PRR16: variants seen among roughly 807,000 people sequenced by gnomAD.
PRR16 encodes protein Largen.
PRR16 carries 6 observed loss-of-function variants against 18.2 expected under a neutral mutation model. The observed-to-expected ratio is 0.33, with a 90% CI of 0.18 to 0.65. The LOEUF (loss-of-function observed/expected upper bound fraction) is 0.65. Ranked by LOEUF, PRR16 falls within the 30% of genes least tolerant of loss-of-function variation. The probability of loss-of-function intolerance (pLI) is 0.74; values close to 1 mark genes in which losing one functional copy is unlikely to be tolerated. For synonymous variants in PRR16, 151 were observed against 147.8 expected, an observed-to-expected ratio of 1.02 and a Z score of -0.16; for missense variants, 412 against 376.6, an observed-to-expected ratio of 1.09 and a Z score of -0.78.
chr5:120,717,406 A>G, the PRR16 span, among the ~76,000 whole-genome samples: 1 of 152,180 alleles, frequency 6.6e-6, no homozygotes, highest in Non-Finnish European at 1.5e-5. Flanking sequence ...TTCATTATTT[A>G]TTTTTGAAAC....
chr5:120,540,345 A>G (rs1751870152), intron 1 of PRR16, among the ~76,000 whole-genome samples: 1 of 48,010 alleles, frequency 2.1e-5, no homozygotes, highest in Non-Finnish European at 5.9e-5. Context: ...TTTCCTCCTT[A>G]ACATGATTTT....
intron 1 of PRR16, among the ~76,000 whole-genome samples, chr5:120,677,114 T>G (rs1756823404): frequency 6.6e-6 from 1 of 152,210 alleles, no homozygotes; most frequent in Non-Finnish European, 1.5e-5. Flanking sequence ...TACTGTGATC[T>G]AGCAGCAGAA....
the PRR16 span, among the ~76,000 whole-genome samples, chr5:120,793,685 G>A: frequency 5.9e-5 from 9 of 152,120 alleles, no homozygotes; most frequent in Admixed American, 1.3e-4. Flanking sequence ...CAATAAGAAG[G>A]GTAAAAACAG....
rs113304687 is a variant in PRR16 at position 120,543,397 on chromosome 5, T to C, written c.159+78752T>C. ...GTTGACTTTTATCTGGGGACCATTA[T>C]GTCAAATTATATTATGGAAACACTT... On this transcript the variant is annotated intron_variant, in intron 1 of 1. Coordinates refer to ENST00000407149, the MANE Select transcript of PRR16 (RefSeq NM_001300783.2). Among the ~76,000 whole-genome samples the C allele has an allele frequency of 5.6e-3, 853 of 152,284 alleles. 7 individuals are homozygous for C. The highest frequency in any genetic ancestry group is 0.019 in the African/African-American group (809 of 41,576).
intron 1 of PRR16, 120 bp from the exon 2 acceptor site, chr5:120,685,834 T>C: frequency 2.1e-6 from 2 of 966,042 alleles, no homozygotes; most frequent in Admixed American, 5.4e-5. Flanking sequence ...AGCAATGGAA[T>C]GTTCAGTTCA....
At chr5:120,513,522 A>G (rs1255169413) in intron 1 of PRR16, among the ~76,000 whole-genome samples, 1 of 151,910 alleles carries the variant, frequency 6.6e-6, no homozygotes, top group African/African-American at 2.4e-5. Flanking sequence ...TGGCCTTCAC[A>G]TGTTTCCTCC....
intron 1 of PRR16, among the ~76,000 whole-genome samples, chr5:120,579,097 G>A (rs1210857459): frequency 2.6e-5 from 4 of 151,834 alleles, no homozygotes; most frequent in African/African-American, 9.7e-5. Flanking sequence ...TTGATGGGGT[G>A]TTTATTTTTT....
At chr5:120,576,057 C>A (rs1454319478) in intron 1 of PRR16, among the ~76,000 whole-genome samples, 1 of 152,050 alleles carries the variant, frequency 6.6e-6, no homozygotes, top group African/African-American at 2.4e-5. Flanking sequence ...AATGGAAGAC[C>A]CCTATACTAC....
chr5:120,477,035 T>C (rs1244444594), intron 1 of PRR16, among the ~76,000 whole-genome samples: 1 of 152,162 alleles, frequency 6.6e-6, no homozygotes, highest in Admixed American at 6.5e-5. Context: ...TTCACTTAGC[T>C]TGAAGAATTA....
chr5:120,718,466 T>C, the PRR16 span, among the ~76,000 whole-genome samples: 1 of 152,146 alleles, frequency 6.6e-6, no homozygotes, highest in Non-Finnish European at 1.5e-5. Context: ...TATAGATATC[T>C]CATGCAGACT....
chr5:120,778,421 A>G, the PRR16 span, among the ~76,000 whole-genome samples: 1 of 152,164 alleles, frequency 6.6e-6, no homozygotes, highest in Non-Finnish European at 1.5e-5. Context: ...GCCTAAAGAG[A>G]AAAACATTTT....
chr5:120,697,421 G>A, the PRR16 span, among the ~76,000 whole-genome samples: 1 of 152,204 alleles, frequency 6.6e-6, no homozygotes, highest in Admixed American at 6.5e-5. Context: ...TGTACAGATG[G>A]CATTCTCCTT....
the PRR16 span, among the ~76,000 whole-genome samples, chr5:120,711,857 T>C: frequency 6.6e-6 from 1 of 152,184 alleles, no homozygotes; most frequent in African/African-American, 2.4e-5. Flanking sequence ...ATACGGGATT[T>C]ACAGAGAGAG....
At chr5:120,524,963 T>TCTTA (rs1320274645) in intron 1 of PRR16, among the ~76,000 whole-genome samples, 2 of 152,076 alleles carry the variant, frequency 1.3e-5, no homozygotes, top group Non-Finnish European at 2.9e-5. Flanking sequence ...TATAAAAATA[T>TCTTA]CTTATTTGTT....
At chr5:120,710,406 T>G in the PRR16 span, among the ~76,000 whole-genome samples, 1 of 152,086 alleles carries the variant, frequency 6.6e-6, no homozygotes. Flanking sequence ...AAGTATCCAG[T>G]GGAAAAAACA....
chr5:120,784,469 A>T, the PRR16 span, among the ~76,000 whole-genome samples: 1 of 152,184 alleles, frequency 6.6e-6, no homozygotes, highest in African/African-American at 2.4e-5. Flanking sequence ...TATGTTGAGC[A>T]TATTTTGTAT....
At chr5:120,652,554 T>C (rs1042945534) in intron 1 of PRR16, among the ~76,000 whole-genome samples, 5 of 152,054 alleles carry the variant, frequency 3.3e-5, no homozygotes, top group African/African-American at 1.2e-4. Flanking sequence ...CCCTCTGTGG[T>C]CTTCTCAAAA....
At chr5:120,793,019 G>A in the PRR16 span, among the ~76,000 whole-genome samples, 32 of 149,320 alleles carry the variant, frequency 2.1e-4, 1 homozygote, top group African/African-American at 7.7e-4. Flanking sequence ...GGCTACGGTG[G>A]TGGGTGCCTG....
intron 1 of PRR16, among the ~76,000 whole-genome samples, chr5:120,565,711 CT>C (rs1752715254): frequency 6.6e-6 from 1 of 152,140 alleles, no homozygotes; most frequent in South Asian, 2.1e-4. Context: ...AGAGATTTTC[CT>C]GTGAAATAGC....
Sources: allele counts gnomAD v4.1 joint callset (sites outside exome capture counted in the v4.1 genomes callset), GRCh38; gene constraint gnomAD v4.1.1; transcripts MANE v1.5; gene names NCBI Gene and HGNC (gene_info 2026-07-23, HGNC 2026-07-21).